Variants in HNRNPA3 observed in about 807,000 individuals in gnomAD.
The protein encoded by HNRNPA3 is epididymis secretory sperm binding protein.
A neutral mutation model predicts 45.8 loss-of-function variants in HNRNPA3; 3 were observed. The ratio of observed to expected loss-of-function variants is 0.07; its 90% CI spans 0.03 to 0.17. The LOEUF (loss-of-function observed/expected upper bound fraction) is 0.17, where lower values mean the gene tolerates loss of function less well. Ranked by LOEUF, HNRNPA3 falls within the 10% of genes least tolerant of loss-of-function variation. The pLI is 1.00. For synonymous variants in HNRNPA3, 170 were observed against 155.6 expected (o/e 1.09, Z -0.69); for missense variants, 183 against 480.3 (o/e 0.38, Z 5.79).
At chr2:177,216,264 G>T (rs1007789807) in intron 4 of HNRNPA3, 76 bp downstream of exon 4, 1 of 1,014,440 alleles carries the variant, frequency 9.9e-7, no homozygotes, top group Middle Eastern at 2.1e-4. Context: ...TTGCTAAATT[G>T]TAATTTTCTG....
At chr2:177,213,852 A>C (rs1456951239) in intron 1 of HNRNPA3, among the ~76,000 whole-genome samples, 1 of 152,192 alleles carries the variant, frequency 6.6e-6, no homozygotes, top group African/African-American at 2.4e-5. Flanking sequence ...TGAAATTTTC[A>C]CGTTTTTGCA....
Position 177,217,695 on chromosome 2 carries a change from GT to G in HNRNPA3, c.821-3del, listed in dbSNP as rs754028939. On this transcript the variant is annotated splice_polypyrimidine_tract_variant and intron_variant, in intron 7 of 10. Transcript: ENST00000392524. ...TTTTTGTGTGGTCTTGTTATTTGTT[GT>G]TTTTTTAGGTGGCAACTATGGCGGT... 20 of 1,612,144 alleles carry G rather than the reference GT, an allele frequency of 1.2e-5. No individual in the cohort carries two copies. The South Asian group carries it at 1.4e-4, about 12-fold the overall frequency.
At chr2:177,220,641 C>T (rs1689149075), downstream of HNRNPA3, 1 of 152,706 alleles carries the variant, frequency 6.5e-6, no homozygotes, top group Non-Finnish European at 1.5e-5. Flanking sequence ...AGAAATGTAG[C>T]ACAGTTGCTT....
chr2:177,222,710 G>C (rs979581762), downstream of HNRNPA3: 1 of 152,456 alleles, frequency 6.6e-6, no homozygotes, highest in African/African-American at 2.4e-5. Context: ...AGGCTGCCTT[G>C]ATATCAGGCA....
At chr2:177,216,722 T>C in exon 6 of HNRNPA3, 1 of 1,614,188 alleles carries the variant, frequency 6.2e-7, no homozygotes, top group Non-Finnish European at 8.5e-7. Flanking sequence ...GAGGGAACTT[T>C]GGAGGTGGTG....
Position 177,216,496 on chromosome 2 carries a change from A to C in HNRNPA3, c.554-7A>C. 1 of 1,608,316 alleles carries C rather than the reference A, an allele frequency of 6.2e-7. No individual in the cohort carries two copies. The highest frequency in any genetic ancestry group is 8.5e-7 in the Non-Finnish European group (1 of 1,176,880). On this transcript the variant is annotated splice_polypyrimidine_tract_variant and splice_region_variant and intron_variant, in intron 4 of 10. Transcript: ENST00000392524. Reference sequence around the variant, plus strand: ...TTTTTGTTTTGTTTGATTGAAAAAAAATTTAGTTCAGAAATACCACACTAT... The same window carrying C: ...TTTTTGTTTTGTTTGATTGAAAAAACATTTAGTTCAGAAATACCACACTAT...
chr2:177,218,969 T>G, intron 8 of HNRNPA3, 68 bp from the exon 9 acceptor site: 1 of 1,574,782 alleles, frequency 6.4e-7, no homozygotes, highest in Non-Finnish European at 8.6e-7. Context: ...AGATAATAGT[T>G]ACATACGTTA....
downstream of HNRNPA3, chr2:177,220,341 G>A (rs1689134715): frequency 6.5e-6 from 1 of 152,962 alleles, no homozygotes; most frequent in Non-Finnish European, 1.5e-5. Flanking sequence ...CCTCTCCTAC[G>A]TTAGAAACCA....
rs376264749 is a variant in HNRNPA3, at chr2:177,216,789, T to C, written c.739+18T>C. 2 of 1,613,990 alleles carry C rather than the reference T, an allele frequency of 1.2e-6. No homozygotes were observed. Among genetic ancestry groups the C allele is most frequent in the African/African-American group, 2.7e-5 (2 of 74,928 alleles). On this transcript the variant is annotated intron_variant, in intron 6 of 10. Transcript: ENST00000392524. ...TGGAAGAGGTAGGCTGTTTATCTTC[T>C]AAGTACATGGATACCTGACATTTTG... is the stretch of plus-strand genomic sequence containing the variant.
rs1487880405 is a variant in HNRNPA3, at chr2:177,216,659, C to T, written c.644-17C>T. ...TGTTTGTAAGGTTCTTAAAAATCTC[C>T]CTTGCCTGTATTAAAGGTCGTGGAG... On this transcript the variant is annotated splice_polypyrimidine_tract_variant and intron_variant, in intron 5 of 10. Coordinates refer to ENST00000392524, the Ensembl canonical transcript of HNRNPA3. 1 of 1,613,832 alleles carries T rather than the reference C, an allele frequency of 6.2e-7. No homozygotes were observed.
At chr2:177,216,883 GGCA>G (rs764792438) in exon 7 of HNRNPA3, 2 of 1,606,482 alleles carry the variant, frequency 1.2e-6, no homozygotes, top group Admixed American at 3.4e-5. Flanking sequence ...TGGAGGTGGT[GGCA>G]GCAGAGGTAG....
At chr2:177,213,611 C>A (rs1256603623) in intron 1 of HNRNPA3, among the ~76,000 whole-genome samples, 1 of 152,204 alleles carries the variant, frequency 6.6e-6, no homozygotes, top group Admixed American at 6.5e-5. Context: ...CTTCTTAAAC[C>A]GCCATGTGGG....
chr2:177,223,946 A>G (rs1391981857), downstream of HNRNPA3: 3 of 152,250 alleles, frequency 2.0e-5, no homozygotes, highest in African/African-American at 7.2e-5. Context: ...TAATAAAACA[A>G]CAGGAAACTT....
At chr2:177,221,997 T>A (rs561276953), downstream of HNRNPA3, 1 of 152,732 alleles carries the variant, frequency 6.5e-6, no homozygotes, top group East Asian at 1.9e-4. Flanking sequence ...AATTTGAATT[T>A]TTTCACTAAT....
At chr2:177,220,409 G>A (rs9068), downstream of HNRNPA3, 104,628 of 154,376 alleles carry the variant, frequency 0.68, 38,339 homozygotes, top group South Asian at 0.84. Flanking sequence ...GAGCAAATTA[G>A]TGGGTACCTT....
chr2:177,215,804 T>G, exon 3 of HNRNPA3: 1 of 1,611,298 alleles, frequency 6.2e-7, no homozygotes, highest in East Asian at 2.2e-5. Flanking sequence ...TGTGACTTAT[T>G]CTTGTGTTGA....
At chr2:177,220,103 C>T (rs999137647), downstream of HNRNPA3, 4 of 152,388 alleles carry the variant, frequency 2.6e-5, no homozygotes, top group African/African-American at 4.8e-5. Flanking sequence ...TTAAGATTAC[C>T]TTCAAATGAA....
rs531944154 is a variant in HNRNPA3 at position 177,214,353 on chromosome 2, T to C, written c.73-1186T>C. The stretch of plus-strand genomic sequence containing the variant: ...AACAAACATGGGTTATAGAAAGCTA[T>C]TTGATCGGCTTTTTTTTTTCCTCAG... On this transcript the variant is annotated intron_variant, in intron 1 of 10. Transcript: ENST00000392524. 1.5e-4 allele frequency among the ~76,000 whole-genome samples: 23 copies of C among 152,358 alleles called. 2 individuals are homozygous for C. The South Asian group carries it at 4.8e-3, about 32-fold the overall frequency.
At chr2:177,214,343 T>C (rs1688831480) in intron 1 of HNRNPA3, among the ~76,000 whole-genome samples, 1 of 152,224 alleles carries the variant, frequency 6.6e-6, no homozygotes, top group Non-Finnish European at 1.5e-5. Flanking sequence ...ACATGGGTTA[T>C]AGAAAGCTAT....
Sources: allele counts gnomAD v4.1 joint callset (sites outside exome capture counted in the v4.1 genomes callset), GRCh38; gene constraint gnomAD v4.1.1; transcripts MANE v1.5; gene names NCBI Gene and HGNC (gene_info 2026-07-23, HGNC 2026-07-21).